VWA8: variants seen among roughly 807,000 people sequenced by gnomAD.
VWA8 encodes the protein von Willebrand factor A domain-containing protein 8.
Under a neutral mutation model 241.5 loss-of-function variants are expected in VWA8, and 221 were observed. The ratio of observed to expected loss-of-function variants is 0.91; its 90% CI spans 0.82 to 1.02. The LOEUF (loss-of-function observed/expected upper bound fraction) is 1.02, where lower values mean the gene tolerates loss of function less well. Among genes scored for constraint, VWA8 ranks in the 50% least tolerant of loss-of-function variants. VWA8 has a pLI of 0.00. For missense variants in VWA8, 2,322 were observed against 2,328.7 expected (o/e 1.00, Z 0.06); for synonymous variants, 852 against 827.1 (o/e 1.03, Z -0.52).
At position 41,626,432 on chromosome 13, in the gene VWA8, A is replaced by G. The variant is rs534753455; in HGVS notation, c.4612-11348T>C. Among the ~76,000 whole-genome samples the G allele has an allele frequency of 2.0e-5, 3 of 152,282 alleles. No homozygotes were observed. In the East Asian group the frequency reaches 5.8e-4, roughly 29 times the overall value. ...TAGAAAAGGCTCTTTTAAAATTCAT[A>G]AGGAACCAAAAAAGAGCCAAACAGC... On this transcript the variant is annotated intron_variant, in intron 37 of 44. Coordinates refer to ENST00000379310, the MANE Select transcript of VWA8 (RefSeq NM_015058.2).
chr13:41,959,503 A>AAAAAAAAAAAAAAAT (rs1878499084), intron 1 of VWA8, among the ~76,000 whole-genome samples: 1 of 150,978 alleles, frequency 6.6e-6, no homozygotes, highest in Non-Finnish European at 1.5e-5. Flanking sequence ...CAAAAAAAAA[A>AAAAAAAAAAAAAAAT]AAAAAAACAA....
intron 21 of VWA8, among the ~76,000 whole-genome samples, chr13:41,758,754 A>G (rs2045718251): frequency 6.6e-6 from 1 of 151,196 alleles, no homozygotes; most frequent in East Asian, 1.9e-4. Context: ...TCTCCTAATC[A>G]TGAGAAAAAT....
intron 21 of VWA8, among the ~76,000 whole-genome samples, chr13:41,732,531 A>G (rs950638917): frequency 6.6e-6 from 1 of 151,134 alleles, no homozygotes; most frequent in Non-Finnish European, 1.5e-5. Flanking sequence ...TTGTTTAAAT[A>G]TAATTTTGAT....
At chr13:41,600,578 G>A (rs943276476) in intron 40 of VWA8, among the ~76,000 whole-genome samples, 1 of 151,984 alleles carries the variant, frequency 6.6e-6, no homozygotes, top group Non-Finnish European at 1.5e-5. Context: ...TATACAGATA[G>A]CCATATAAAC....
At position 41,918,190 on chromosome 13, in the gene VWA8, G is replaced by A. The variant is rs1387105212; in HGVS notation, c.242-6022C>T. 3.3e-5 allele frequency among the ~76,000 whole-genome samples: 5 copies of A among 152,038 alleles called. No homozygotes were observed. The East Asian group carries it at 9.6e-4, about 29-fold the overall frequency. ...ATAAGGTTCTTTGAAGACATCAAAA[G>A]AAAAATACATATATAAAACATCAGC... On this transcript the variant is annotated intron_variant, in intron 2 of 44. Coordinates refer to ENST00000379310, the MANE Select transcript of VWA8 (RefSeq NM_015058.2).
intron 40 of VWA8, among the ~76,000 whole-genome samples, chr13:41,593,570 G>C (rs371299458): frequency 6.6e-6 from 1 of 152,110 alleles, no homozygotes; most frequent in Admixed American, 6.5e-5. Flanking sequence ...CCAGTGATTG[G>C]GACTTAGCTC....
rs2045660411 is a variant in VWA8, at chr13:41,752,050, C to T, written c.2426+9078G>A. The stretch of plus-strand genomic sequence containing the variant: ...AGGAGTTACTGTTAACTTCTCTTTT[C>T]CCCCCACCCTCCACATAGTTATAAA... On this transcript the variant is annotated intron_variant, in intron 21 of 44. Transcript: ENST00000379310. Among the ~76,000 whole-genome samples, 3 of 152,156 alleles carry T rather than the reference C, an allele frequency of 2.0e-5. 1 individual carries two copies. The South Asian group carries it at 6.2e-4, about 32-fold the overall frequency.
chr13:41,649,506 AT>A (rs1241433810), intron 37 of VWA8, among the ~76,000 whole-genome samples: 2 of 151,948 alleles, frequency 1.3e-5, no homozygotes, highest in Non-Finnish European at 2.9e-5. Flanking sequence ...TATTATCTGT[AT>A]TTCTGGTGAG....
In VWA8 at chr13:41,670,998, C is replaced by T. The variant is rs751311007; in HGVS notation, c.4559G>A (p.Arg1520Gln). The T allele has an allele frequency of 7.6e-5, 123 of 1,613,914 alleles. No homozygotes were observed. In the Middle Eastern group the frequency reaches 1.2e-3, roughly 15 times the overall value. The change falls in exon 37 of 45, where the codon CGA becomes CAA. Residue 1520 changes from arginine to glutamine, a missense_variant. Physicochemically the swap from Arg to Gln is conservative, Grantham distance 43. Coordinates refer to ENST00000379310, the MANE Select transcript of VWA8 (RefSeq NM_015058.2). The stretch of plus-strand genomic sequence containing the variant: ...CATGTTTCTCCATTCCATGAGTGAT[C>T]GCTGCAGACGTTCAAGTCCAGTTTC... ...LWETGLERLQ[R>Q]SLMEWRNMIG...
In VWA8 at chr13:41,819,290, G is replaced by A; in HGVS notation, c.1797C>T (p.Phe599=). 6.2e-7 allele frequency: 1 copy of A among 1,613,410 alleles called. No individual in the cohort carries two copies. The highest frequency in any genetic ancestry group is 1.3e-5 in the African/African-American group (1 of 75,012). The change falls in exon 15 of 45, where the codon TTC becomes TTT. Residue 599 remains phenylalanine (F), a synonymous_variant. Coordinates refer to ENST00000379310, the MANE Select transcript of VWA8 (RefSeq NM_015058.2). ...TGTAATGGAAAAAGAACATGGTTAA[G>A]AATTCTGGTCCCAGCCACTGGTGTG... The part of the protein sequence containing the change: ...STAHQWLGPE[F]LTMFFFHYMK...
intron 17 of VWA8, among the ~76,000 whole-genome samples, chr13:41,803,656 C>G (rs542976723): frequency 6.6e-6 from 1 of 152,238 alleles, no homozygotes; most frequent in Admixed American, 6.5e-5. Flanking sequence ...AGGTCTCTCC[C>G]ACAATTTGTG....
At chr13:41,926,242 A>T (rs979796924) in intron 2 of VWA8, 2 of 681,740 alleles carry the variant, frequency 2.9e-6, no homozygotes, top group Admixed American at 2.0e-5. Flanking sequence ...CCTCATCTTC[A>T]CTGTGGCCTC....
intron 37 of VWA8, among the ~76,000 whole-genome samples, chr13:41,622,731 T>G (rs917903311): frequency 1.3e-5 from 2 of 152,232 alleles, no homozygotes; most frequent in African/African-American, 4.8e-5. Context: ...GGAAGGGACA[T>G]GACTCACTGA....
intron 16 of VWA8, among the ~76,000 whole-genome samples, chr13:41,814,869 C>T (rs1279637545): frequency 1.3e-5 from 2 of 152,012 alleles, no homozygotes; most frequent in Non-Finnish European, 2.9e-5. Context: ...AAAGAAAAAA[C>T]CCCTGCAATC....
intron 37 of VWA8, among the ~76,000 whole-genome samples, chr13:41,656,430 A>C (rs2044905977): frequency 6.6e-6 from 1 of 152,140 alleles, no homozygotes; most frequent in South Asian, 2.1e-4. Flanking sequence ...AATATGAGTG[A>C]GCTCTTTTTC....
chr13:41,618,960 C>CT, intron 37 of VWA8, among the ~76,000 whole-genome samples: 1 of 152,146 alleles, frequency 6.6e-6, no homozygotes, highest in East Asian at 1.9e-4. Context: ...AATGTGGGCT[C>CT]TTTTTTGTTT....
intron 12 of VWA8, among the ~76,000 whole-genome samples, chr13:41,851,243 A>AG (rs1380915831): frequency 3.9e-5 from 6 of 152,144 alleles, no homozygotes; most frequent in African/African-American, 1.4e-4. Context: ...CAGTCCACCT[A>AG]AGGACTCCAG....
chr13:41,600,740 T>G (rs962870294), intron 40 of VWA8, among the ~76,000 whole-genome samples: 3 of 152,114 alleles, frequency 2.0e-5, no homozygotes, highest in Non-Finnish European at 2.9e-5. Flanking sequence ...TCTTCACAAG[T>G]CTGTCCTCTT....
At chr13:41,658,592 C>T (rs1216713694) in intron 37 of VWA8, among the ~76,000 whole-genome samples, 2 of 152,206 alleles carry the variant, frequency 1.3e-5, no homozygotes, top group African/African-American at 4.8e-5. Context: ...TGCCAGACAT[C>T]CAAACTAGAA....
Sources: gnomAD v4.1 joint callset for allele counts (sites outside exome capture counted in the v4.1 genomes callset) on GRCh38, gnomAD v4.1.1 for gene constraint, MANE v1.5 for transcripts, NCBI Gene and HGNC (gene_info 2026-07-23, HGNC 2026-07-21) for gene names.